The following SOX5 variants were observed in gnomAD, a reference collection of about 807,000 sequenced individuals.
SOX5 encodes transcription factor SOX-5.
Under a neutral mutation model 92.0 loss-of-function variants are expected in SOX5, and 9 were observed. The ratio of observed to expected loss-of-function variants is 0.10; its 90% CI spans 0.06 to 0.17. The LOEUF is 0.17. Ranked by LOEUF, SOX5 falls within the 10% of genes least tolerant of loss-of-function variation. The pLI is 1.00. For missense variants in SOX5, 642 were observed against 944.5 expected (o/e 0.68, Z 4.20); for synonymous variants, 344 against 336.3 (o/e 1.02, Z -0.25).
At position 23,971,949 on chromosome 12, in the gene SOX5, T is replaced by A. The variant is rs376695707; in HGVS notation, c.-1-75925A>T. ...AAACACTGAGGCTCTAAAAGAAAAA[T>A]TTATAAAAAGAGTAAAATTAGAATA... On this transcript the variant is annotated intron_variant, in intron 4 of 4. Coordinates refer to the SOX5 transcript ENST00000446891. 1.8e-4 allele frequency among the ~76,000 whole-genome samples: 28 copies of A among 152,278 alleles called. 1 individual carries two copies. The East Asian group carries it at 5.4e-3, about 29-fold the overall frequency.
At position 23,534,259 on chromosome 12, in the gene SOX5, C is replaced by A. The variant is rs769351289; in HGVS notation, c.2252G>T (p.Gly751Val). The change falls in exon 15 of 15, where the codon GGG (glycine) becomes GTG (valine). Residue 751 changes from glycine to valine, a missense_variant. Physicochemically the swap from Gly to Val is moderately radical, Grantham distance 109 (BLOSUM62 -3). Transcript: ENST00000451604. ...TGCAATATGGTTTTCACTGTCACTC[C>A]CATAATCTACATCTGGATCATCCTC... The part of the protein sequence containing the change: ...EEEDDPDVDY[G>V]SDSENHIAGQ... 4 of 1,614,116 alleles carry A rather than the reference C, an allele frequency of 2.5e-6. No homozygotes were observed. The highest frequency in any genetic ancestry group is 1.6e-4 in the Middle Eastern group (1 of 6,062).
chr12:24,268,614 G>C (rs73284911), intron 3 of SOX5, among the ~76,000 whole-genome samples: 3,301 of 152,206 alleles, frequency 0.022, 108 homozygotes, highest in African/African-American at 0.073. Flanking sequence ...CTACTTTCAG[G>C]AATCAATTCT....
At chr12:24,333,885 T>C (rs550223214) in intron 2 of SOX5, among the ~76,000 whole-genome samples, 2 of 150,124 alleles carry the variant, frequency 1.3e-5, no homozygotes, top group South Asian at 2.1e-4. Context: ...GGGAGAAACA[T>C]CTTGAATAAG....
intron 4 of SOX5, among the ~76,000 whole-genome samples, chr12:24,046,601 G>T (rs1957048692): frequency 6.7e-6 from 1 of 149,704 alleles, no homozygotes. Context: ...ACTTAATTAT[G>T]AAAAAGTAAA....
At chr12:23,813,116 G>C (rs988577867) in intron 3 of SOX5, among the ~76,000 whole-genome samples, 3 of 152,002 alleles carry the variant, frequency 2.0e-5, no homozygotes, top group African/African-American at 7.3e-5. Flanking sequence ...AAAGTTTTCA[G>C]TGTATCGGGC....
chr12:23,631,805 G>C (rs2078572846), intron 8 of SOX5, among the ~76,000 whole-genome samples: 1 of 152,096 alleles, frequency 6.6e-6, no homozygotes, highest in South Asian at 2.1e-4. Context: ...CATGTAATAA[G>C]ACACCATGAA....
At chr12:24,072,187 A>G (rs1371263158) in intron 4 of SOX5, among the ~76,000 whole-genome samples, 2 of 152,198 alleles carry the variant, frequency 1.3e-5, no homozygotes, top group Non-Finnish European at 2.9e-5. Context: ...ACTATTCTGT[A>G]ATGTGTTAAA....
At chr12:24,153,819 T>A (rs1432415767) in intron 4 of SOX5, among the ~76,000 whole-genome samples, 1 of 152,104 alleles carries the variant, frequency 6.6e-6, no homozygotes, top group Non-Finnish European at 1.5e-5. Flanking sequence ...ACTTTCAAAG[T>A]GCCAGTCAGG....
intron 1 of SOX5, among the ~76,000 whole-genome samples, chr12:23,903,076 A>G (rs2097253751): frequency 6.6e-6 from 1 of 152,116 alleles, no homozygotes; most frequent in South Asian, 2.1e-4. Flanking sequence ...CCATTTATCC[A>G]CCTATTCATT....
chr12:23,598,611 G>A (rs1476289439), intron 9 of SOX5, among the ~76,000 whole-genome samples: 1 of 151,836 alleles, frequency 6.6e-6, no homozygotes, highest in Non-Finnish European at 1.5e-5. Context: ...ATGTTATCCA[G>A]GAAGGTCTCG....
chr12:24,518,702 A>G (rs1287057512), intron 1 of SOX5, among the ~76,000 whole-genome samples: 1 of 152,204 alleles, frequency 6.6e-6, no homozygotes, highest in Non-Finnish European at 1.5e-5. Flanking sequence ...ACACATAGTC[A>G]TTTACATACA....
chr12:23,814,353 T>C (rs749540689), intron 3 of SOX5, among the ~76,000 whole-genome samples: 7 of 152,150 alleles, frequency 4.6e-5, no homozygotes, highest in Non-Finnish European at 1.0e-4. Flanking sequence ...TAGGAAACTA[T>C]ACTCTTGCAC....
intron 3 of SOX5, among the ~76,000 whole-genome samples, chr12:24,256,384 C>T (rs1000826171): frequency 2.9e-4 from 44 of 152,128 alleles, no homozygotes; most frequent in Non-Finnish European, 1.6e-4. Flanking sequence ...CATGGCTTGA[C>T]CACGAAGATG....
chr12:24,082,404 GAAAAAAAA>G (rs58736325), intron 4 of SOX5, among the ~76,000 whole-genome samples: 18 of 73,450 alleles, frequency 2.5e-4, no homozygotes, highest in African/African-American at 5.5e-4. Flanking sequence ...CTTTCGAAAA[GAAAAAAAA>G]AAAAAAAAAA....
intron 1 of SOX5, among the ~76,000 whole-genome samples, chr12:24,498,840 A>G (rs1947904413): frequency 6.6e-6 from 1 of 152,180 alleles, no homozygotes; most frequent in South Asian, 2.1e-4. Context: ...TCGCTTGATT[A>G]CTACTCCCCT....
chr12:23,611,353 C>CGTGTGTGT (rs569434819), intron 8 of SOX5, among the ~76,000 whole-genome samples: 1 of 140,270 alleles, frequency 7.1e-6, no homozygotes, highest in East Asian at 2.2e-4. Flanking sequence ...AGTATTCCAT[C>CGTGTGTGT]GTGTGTGTGT....
At chr12:23,672,088 A>C in intron 6 of SOX5, among the ~76,000 whole-genome samples, 1 of 147,412 alleles carries the variant, frequency 6.8e-6, no homozygotes, top group South Asian at 2.2e-4. Context: ...AAAACAAAAC[A>C]AAAAAAAAAG....
At chr12:23,855,224 TA>T (rs1391880485) in intron 2 of SOX5, among the ~76,000 whole-genome samples, 1 of 152,012 alleles carries the variant, frequency 6.6e-6, no homozygotes, top group Admixed American at 6.6e-5. Flanking sequence ...ATTTTTTTAA[TA>T]ATTTAAAATT....
chr12:24,146,449 T>C (rs1046998415), intron 4 of SOX5, among the ~76,000 whole-genome samples: 9 of 152,066 alleles, frequency 5.9e-5, no homozygotes, highest in African/African-American at 4.8e-5. Context: ...AATTAAAATA[T>C]AGCATGTCAA....
Sources: allele counts gnomAD v4.1 joint callset (sites outside exome capture counted in the v4.1 genomes callset), GRCh38; gene constraint gnomAD v4.1.1; transcripts MANE v1.5; gene names NCBI Gene and HGNC (gene_info 2026-07-23, HGNC 2026-07-21).